B3GALT1: variants seen among roughly 807,000 people sequenced by gnomAD.
B3GALT1 encodes beta-1,3-galactosyltransferase 1, also known as UDP-Gal:betaGlcNAc beta 1,3-galactosyltransferase, polypeptide 1.
In B3GALT1, 10 loss-of-function variants were observed where a neutral mutation model predicts 23.2. The observed-to-expected ratio is 0.43, with a 90% confidence interval of 0.27 to 0.73. B3GALT1 has a LOEUF of 0.73. Ranked by LOEUF, B3GALT1 falls within the 30% of genes least tolerant of loss-of-function variation. The pLI is 0.21. For synonymous variants in B3GALT1, 156 were observed against 141.5 expected, an observed-to-expected ratio of 1.10 and a Z score of -0.73; for missense variants, 299 against 405.4, an observed-to-expected ratio of 0.74 and a Z score of 2.25.
chr2:167,662,198 G>A lies in B3GALT1; in HGVS notation c.-352+15232G>A, dbSNP rs1686072003. On this transcript the variant is annotated intron_variant, in intron 3 of 4. Coordinates refer to ENST00000392690, the MANE Select transcript of B3GALT1 (RefSeq NM_020981.4). ...ATAACATTATTGTTGCCCCATGAAT[G>A]GTTTCCATCACATGAAAATATTTGT... Among the ~76,000 whole-genome samples, 3 of 152,072 alleles carry A rather than the reference G, an allele frequency of 2.0e-5. No homozygotes were observed. In the South Asian group the frequency reaches 6.2e-4, roughly 32 times the overall value.
rs1689446570 is a variant in B3GALT1 at position 167,835,590 on chromosome 2, C to T, written c.-230+16797C>T. ...GAGGGCTGCCTGCCTCTGTAGGCTC[C>T]ACCTCTGGGGGCAGGGCACAGACAA... On this transcript the variant is annotated intron_variant, in intron 4 of 4. Transcript: ENST00000392690. Among the ~76,000 whole-genome samples, 3 of 152,344 alleles carry T rather than the reference C, an allele frequency of 2.0e-5. No individual in the cohort carries two copies. In the South Asian group the frequency reaches 6.2e-4, roughly 32 times the overall value.
At chr2:167,306,475 T>G (rs1258704564) in intron 1 of B3GALT1, among the ~76,000 whole-genome samples, 2 of 152,040 alleles carry the variant, frequency 1.3e-5, no homozygotes, top group Non-Finnish European at 2.9e-5. Context: ...TTTATAACTT[T>G]AAAAAATTTT....
intron 3 of B3GALT1, among the ~76,000 whole-genome samples, chr2:167,777,630 G>A (rs1688182609): frequency 6.6e-6 from 1 of 152,178 alleles, no homozygotes; most frequent in Non-Finnish European, 1.5e-5. Context: ...TTACAGGCAT[G>A]AGCCACCACA....
At chr2:167,525,585 A>G (rs1240355106) in intron 2 of B3GALT1, among the ~76,000 whole-genome samples, 8 of 152,030 alleles carry the variant, frequency 5.3e-5, no homozygotes, top group East Asian at 3.9e-4. Flanking sequence ...TTTGTTGCTC[A>G]GATTCTTTCA....
At chr2:167,549,061 A>G (rs1283967016) in intron 2 of B3GALT1, among the ~76,000 whole-genome samples, 1 of 152,306 alleles carries the variant, frequency 6.6e-6, no homozygotes, top group Non-Finnish European at 1.5e-5. Context: ...CCTTGAAACC[A>G]AAGTCCAATC....
chr2:167,479,717 G>T (rs1238982121), intron 1 of B3GALT1, among the ~76,000 whole-genome samples: 1 of 152,008 alleles, frequency 6.6e-6, no homozygotes, highest in Non-Finnish European at 1.5e-5. Context: ...ATCACCCAAT[G>T]GGTTTTTCTT....
intron 1 of B3GALT1, among the ~76,000 whole-genome samples, chr2:167,451,344 G>C (rs1391548546): frequency 6.6e-6 from 1 of 152,120 alleles, no homozygotes; most frequent in African/African-American, 2.4e-5. Flanking sequence ...GGAAGGTCTA[G>C]GGCTCAAGGC....
intron 4 of B3GALT1, among the ~76,000 whole-genome samples, chr2:167,822,427 A>ATTCT (rs1021073682): frequency 2.0e-5 from 3 of 152,188 alleles, no homozygotes; most frequent in African/African-American, 4.8e-5. Flanking sequence ...TGACATTAAA[A>ATTCT]TTCTTACACA....
chr2:167,670,477 G>A (rs1279836085), intron 3 of B3GALT1, among the ~76,000 whole-genome samples: 1 of 152,102 alleles, frequency 6.6e-6, no homozygotes, highest in Non-Finnish European at 1.5e-5. Flanking sequence ...AACAATGCAA[G>A]ATTTCAAGGA....
intron 2 of B3GALT1, among the ~76,000 whole-genome samples, chr2:167,553,463 G>C (rs779548517): frequency 1.3e-5 from 2 of 152,084 alleles, no homozygotes; most frequent in African/African-American, 4.8e-5. Context: ...GGCAGATCTC[G>C]ATTTATGGGA....
At chr2:167,833,529 G>C (rs1312354812) in intron 4 of B3GALT1, among the ~76,000 whole-genome samples, 1 of 152,160 alleles carries the variant, frequency 6.6e-6, no homozygotes, top group Non-Finnish European at 1.5e-5. Flanking sequence ...CCCCAAGGTA[G>C]CTATTTCCTG....
chr2:167,429,771 C>T (rs1698681215), intron 1 of B3GALT1, among the ~76,000 whole-genome samples: 1 of 152,138 alleles, frequency 6.6e-6, no homozygotes, highest in Admixed American at 6.5e-5. Flanking sequence ...ATAAAAGTAC[C>T]AACGTCATAG....
At chr2:167,694,755 C>T (rs1368608425) in intron 3 of B3GALT1, among the ~76,000 whole-genome samples, 2 of 151,984 alleles carry the variant, frequency 1.3e-5, no homozygotes, top group Non-Finnish European at 2.9e-5. Context: ...AAGGGGCAGC[C>T]GAGATTCAAG....
chr2:167,342,711 T>A (rs555169334), intron 1 of B3GALT1, among the ~76,000 whole-genome samples: 1 of 152,156 alleles, frequency 6.6e-6, no homozygotes, highest in Non-Finnish European at 1.5e-5. Context: ...CCTCTGTAAT[T>A]CCTTTTCTGC....
At chr2:167,628,504 A>C (rs1685385642) in intron 2 of B3GALT1, among the ~76,000 whole-genome samples, 1 of 151,760 alleles carries the variant, frequency 6.6e-6, no homozygotes, top group African/African-American at 2.4e-5. Flanking sequence ...AGATGAACCT[A>C]CCTGGCCTCC....
intron 3 of B3GALT1, among the ~76,000 whole-genome samples, chr2:167,668,988 C>T (rs116291455): frequency 0.017 from 2,536 of 152,224 alleles, 67 homozygotes; most frequent in African/African-American, 0.058. Flanking sequence ...TGTCACTTTC[C>T]AATGAGGCCT....
intron 4 of B3GALT1, among the ~76,000 whole-genome samples, chr2:167,844,483 G>C (rs906449386): frequency 1.3e-4 from 20 of 152,174 alleles, no homozygotes; most frequent in African/African-American, 4.8e-4. Flanking sequence ...ACCCCTACTG[G>C]AGAAACTAAA....
chr2:167,652,622 A>G (rs1685887322), intron 3 of B3GALT1, among the ~76,000 whole-genome samples: 1 of 152,132 alleles, frequency 6.6e-6, no homozygotes, highest in Non-Finnish European at 1.5e-5. Flanking sequence ...GATTCCTTTT[A>G]AATGATTTAT....
chr2:167,433,409 A>AT (rs1698733407), intron 1 of B3GALT1, among the ~76,000 whole-genome samples: 2 of 152,278 alleles, frequency 1.3e-5, no homozygotes, highest in Middle Eastern at 3.4e-3. Flanking sequence ...CCAAAAACTT[A>AT]TTTAAAAAAA....
Sources: allele counts gnomAD v4.1 joint callset (sites outside exome capture counted in the v4.1 genomes callset), GRCh38; gene constraint gnomAD v4.1.1; transcripts MANE v1.5; gene names NCBI Gene and HGNC (gene_info 2026-07-23, HGNC 2026-07-21).